DCLK3: variants seen among roughly 807,000 people sequenced by gnomAD.
DCLK3 encodes doublecortin like kinase 3.
DCLK3 carries 30 observed loss-of-function variants against 46.4 expected under a neutral mutation model. The observed-to-expected ratio is 0.65, with a 90% CI of 0.48 to 0.88. DCLK3 has a LOEUF of 0.88. Ranked by LOEUF, DCLK3 falls within the 40% of genes least tolerant of loss-of-function variation. DCLK3 has a pLI of 0.00. For missense variants in DCLK3, 846 were observed against 907.1 expected, an observed-to-expected ratio of 0.93 and a Z score of 0.87; for synonymous variants, 401 against 339.2, an observed-to-expected ratio of 1.18 and a Z score of -2.00.
intron 1 of DCLK3, among the ~76,000 whole-genome samples, chr3:36,755,289 T>C (rs768343080): frequency 2.6e-5 from 4 of 152,028 alleles, no homozygotes; most frequent in East Asian, 1.9e-4. Context: ...AGGAGATGAG[T>C]AGTGAGTAAT....
At chr3:36,721,431 T>G in intron 3 of DCLK3, 96 bp downstream of exon 3, 175 of 1,471,954 alleles carry the variant, frequency 1.2e-4, no homozygotes, top group Non-Finnish European at 1.4e-4. Context: ...GTCAGTTCTC[T>G]GAGATTTATT....
In DCLK3 at chr3:36,713,874, T is replaced by C. The variant is rs1700941902; in HGVS notation, c.*1454A>G. On this transcript the variant is annotated 3_prime_UTR_variant, in exon 5 of 5. Transcript: ENST00000636136. ...CACCATACCCTACAGGGACTAGTCATTTGATATAGCCTGCTTCAGGAGGGA... is the reference window on the plus strand; with the variant it reads ...CACCATACCCTACAGGGACTAGTCACTTGATATAGCCTGCTTCAGGAGGGA... 1.3e-5 allele frequency: 2 copies of C among 152,242 alleles called. No individual in the cohort carries two copies. Among genetic ancestry groups the C allele is most frequent in the African/African-American group, 4.8e-5 (2 of 41,436 alleles). 9.4% of individuals were successfully genotyped at this position (152,242 alleles called of 1,614,324 possible).
chr3:36,756,837 G>A (rs932313680), intron 1 of DCLK3, among the ~76,000 whole-genome samples: 1 of 151,894 alleles, frequency 6.6e-6, no homozygotes, highest in African/African-American at 2.4e-5. Context: ...AGTGGCATGT[G>A]GTGTCTGGGG....
intron 2 of DCLK3, among the ~76,000 whole-genome samples, chr3:36,730,040 G>T (rs1199898032): frequency 6.6e-6 from 1 of 152,118 alleles, no homozygotes; most frequent in Non-Finnish European, 1.5e-5. Context: ...TTAGCCACGT[G>T]TGGTGGTTTA....
chr3:36,735,460 T>C (rs935379169), intron 2 of DCLK3, among the ~76,000 whole-genome samples: 6 of 152,232 alleles, frequency 3.9e-5, no homozygotes, highest in South Asian at 4.1e-4. Flanking sequence ...GTTGCTCGAC[T>C]TAGTGGTCAA....
chr3:36,750,050 A>C (rs1701425879), intron 1 of DCLK3, among the ~76,000 whole-genome samples: 1 of 152,094 alleles, frequency 6.6e-6, no homozygotes, highest in Non-Finnish European at 1.5e-5. Context: ...TTCTTAATTT[A>C]ATTATTTTAA....
At chr3:36,760,160 C>T (rs1028774393) in intron 1 of DCLK3, among the ~76,000 whole-genome samples, 3 of 152,160 alleles carry the variant, frequency 2.0e-5, no homozygotes, top group Non-Finnish European at 4.4e-5. Context: ...TCTCTCTACC[C>T]CAGCTCCAGG....
At chr3:36,761,354 G>A (rs1006660545) in intron 1 of DCLK3, among the ~76,000 whole-genome samples, 1 of 152,172 alleles carries the variant, frequency 6.6e-6, no homozygotes, top group Non-Finnish European at 1.5e-5. Flanking sequence ...GAGGTTCCTA[G>A]AGAAGTTCAG....
intron 2 of DCLK3, among the ~76,000 whole-genome samples, chr3:36,724,662 T>C (rs1701103568): frequency 6.6e-6 from 1 of 152,108 alleles, no homozygotes; most frequent in South Asian, 2.1e-4. Flanking sequence ...CTGCCATCCA[T>C]GTAAGATATG....
intron 1 of DCLK3, among the ~76,000 whole-genome samples, chr3:36,742,673 G>A (rs2135951): frequency 0.49 from 74,246 of 152,056 alleles, 20,019 homozygotes; most frequent in Non-Finnish European, 0.63. Flanking sequence ...TGCAACCTTC[G>A]GATGCACTGA....
chr3:36,732,197 T>G (rs1004744169), intron 2 of DCLK3, among the ~76,000 whole-genome samples: 1 of 152,244 alleles, frequency 6.6e-6, no homozygotes, highest in African/African-American at 2.4e-5. Context: ...ATTGTTTTTG[T>G]TGCTGAAAAT....
chr3:36,723,767 G>A (rs923690654), intron 2 of DCLK3, among the ~76,000 whole-genome samples: 2 of 152,202 alleles, frequency 1.3e-5, no homozygotes, highest in African/African-American at 4.8e-5. Flanking sequence ...GCAAACGCCT[G>A]GATGTCCAGG....
rs557460208 is a variant in DCLK3, at chr3:36,726,009, T to C, written c.1960-4350A>G. On this transcript the variant is annotated intron_variant, in intron 2 of 4. Transcript: ENST00000636136. The stretch of plus-strand genomic sequence containing the variant: ...GGGATTTGATACAAGATTATGACTG[T>C]TGGATCTTAACCTAAAAGAAACTAA... Among the ~76,000 whole-genome samples, 77 of 152,312 alleles carry C rather than the reference T, an allele frequency of 5.1e-4. 1 individual carries two copies. The highest frequency in any genetic ancestry group is 3.4e-3 in the Middle Eastern group (1 of 294).
intron 2 of DCLK3, among the ~76,000 whole-genome samples, chr3:36,732,111 C>T (rs1460890210): frequency 4.6e-5 from 7 of 152,180 alleles, no homozygotes; most frequent in South Asian, 4.1e-4. Flanking sequence ...ACCTGAACTT[C>T]AGGCCTCCTT....
rs762258625 is a variant in DCLK3, at chr3:36,738,503, G to A, written c.664C>T (p.Arg222Cys). ...LFSKALKGDH[R>C]CGETETPKSC... ...TTGGGGGTCTCGGTCTCCCCACAGC[G>A]GTGGTCTCCTTTCAGAGCCTTGCTA... The change falls in exon 2 of 5, where the codon CGC (arginine) becomes TGC (cysteine). Residue 222 changes from arginine (R) to cysteine (C), a missense_variant. Transcript: ENST00000636136. The A allele has an allele frequency of 1.1e-5, 16 of 1,508,018 alleles. No individual in the cohort carries two copies. The highest frequency in any genetic ancestry group is 4.2e-5 in the African/African-American group (3 of 70,640). The allele number at this position is 1,508,018 out of a possible 1,614,324, so 93.4% of individuals were successfully genotyped here.
chr3:36,756,990 A>G (rs1432273698), intron 1 of DCLK3, among the ~76,000 whole-genome samples: 2 of 151,930 alleles, frequency 1.3e-5, no homozygotes, highest in Non-Finnish European at 2.9e-5. Context: ...GAGAGAGCAT[A>G]AGTTTCTCAA....
chr3:36,714,823 T>C lies in DCLK3; in HGVS notation c.*505A>G, dbSNP rs1700953689. Reference sequence around the variant, plus strand: ...ATCAAGTGTCCTTCACATCTATATGTAGTCATATCAGCTTCAGGAGATATG... The same window carrying C: ...ATCAAGTGTCCTTCACATCTATATGCAGTCATATCAGCTTCAGGAGATATG... On this transcript the variant is annotated 3_prime_UTR_variant, in exon 5 of 5. Coordinates refer to ENST00000636136, the MANE Select transcript of DCLK3 (RefSeq NM_001394672.2). The C allele has an allele frequency of 6.5e-6, 1 of 153,740 alleles. No individual in the cohort carries two copies. Among genetic ancestry groups the C allele is most frequent in the Non-Finnish European group, 1.4e-5 (1 of 69,180 alleles). 9.5% of individuals were successfully genotyped at this position (153,740 alleles called of 1,614,324 possible).
At chr3:36,725,275 G>C (rs1214029461) in intron 2 of DCLK3, among the ~76,000 whole-genome samples, 1 of 146,398 alleles carries the variant, frequency 6.8e-6, no homozygotes, top group Non-Finnish European at 1.5e-5. Flanking sequence ...TCGCGCCACT[G>C]CACTCCAGCC....
intron 4 of DCLK3, among the ~76,000 whole-genome samples, chr3:36,716,075 A>C (rs1039905739): frequency 6.6e-6 from 1 of 152,230 alleles, no homozygotes; most frequent in African/African-American, 2.4e-5. Context: ...AAGAAATCTA[A>C]AAAGTAAATA....
Sources: allele counts gnomAD v4.1 joint callset (sites outside exome capture counted in the v4.1 genomes callset), GRCh38; gene constraint gnomAD v4.1.1; transcripts MANE v1.5; gene names NCBI Gene and HGNC (gene_info 2026-07-23, HGNC 2026-07-21).